CADM2: variants seen among roughly 807,000 people sequenced by gnomAD.
The protein encoded by CADM2 is immunoglobulin superfamily member 4D.
In CADM2, 12 loss-of-function variants were observed where a neutral mutation model predicts 49.8. That is an observed-to-expected ratio of 0.24 (90% CI 0.15 to 0.39). CADM2 has a LOEUF of 0.39. Ranked by LOEUF, CADM2 falls within the 10% of genes least tolerant of loss-of-function variation. The pLI is 1.00. For missense variants in CADM2, 378 were observed against 492.3 expected, an observed-to-expected ratio of 0.77 and a Z score of 2.20; for synonymous variants, 214 against 175.4, an observed-to-expected ratio of 1.22 and a Z score of -1.74.
At chr3:85,907,709 G>A (rs751395652) in intron 5 of CADM2, among the ~76,000 whole-genome samples, 15 of 152,010 alleles carry the variant, frequency 9.9e-5, no homozygotes, top group African/African-American at 1.7e-4. Flanking sequence ...TCAGGAGTTC[G>A]AGACCAGCCT....
intron 7 of CADM2, among the ~76,000 whole-genome samples, chr3:85,949,148 A>C (rs1723090665): frequency 1.3e-5 from 2 of 151,500 alleles, no homozygotes; most frequent in Non-Finnish European, 3.0e-5. Flanking sequence ...AGTGTTTTTC[A>C]AATTGCAAAT....
At chr3:85,709,976 A>G (rs1208163430) in intron 1 of CADM2, among the ~76,000 whole-genome samples, 1 of 152,146 alleles carries the variant, frequency 6.6e-6, no homozygotes, top group Non-Finnish European at 1.5e-5. Flanking sequence ...ACTATTCTAT[A>G]GCCTGGAAAG....
intron 1 of CADM2, among the ~76,000 whole-genome samples, chr3:85,493,126 A>G (rs998575238): frequency 3.3e-5 from 5 of 152,248 alleles, no homozygotes; most frequent in African/African-American, 9.6e-5. Flanking sequence ...GTATTCCAAT[A>G]TTAGTAACAT....
intron 8 of CADM2, among the ~76,000 whole-genome samples, chr3:85,998,060 G>C (rs1205572783): frequency 2.6e-5 from 4 of 152,206 alleles, no homozygotes; most frequent in Non-Finnish European, 4.4e-5. Context: ...AGAAGGAGAG[G>C]TGAGGGAAGA....
chr3:85,669,126 A>G (rs979467125), intron 1 of CADM2, among the ~76,000 whole-genome samples: 6 of 152,022 alleles, frequency 3.9e-5, no homozygotes, highest in East Asian at 1.9e-4. Context: ...TTCATTTCCC[A>G]TCATTTTATC....
intron 1 of CADM2, among the ~76,000 whole-genome samples, chr3:85,626,829 T>A (rs1296942164): frequency 6.6e-6 from 1 of 152,046 alleles, no homozygotes; most frequent in Non-Finnish European, 1.5e-5. Flanking sequence ...AGTCGAAATG[T>A]CCTGCTGGCA....
chr3:85,171,508 C>T (rs2040625980), intron 1 of CADM2, among the ~76,000 whole-genome samples: 1 of 152,098 alleles, frequency 6.6e-6, no homozygotes, highest in South Asian at 2.1e-4. Flanking sequence ...ACACTAATTA[C>T]TCCTTATAAT....
chr3:85,667,568 C>G (rs2065606452), intron 1 of CADM2, among the ~76,000 whole-genome samples: 1 of 151,930 alleles, frequency 6.6e-6, no homozygotes, highest in African/African-American at 2.4e-5. Flanking sequence ...AATTTGCATT[C>G]CTAAAGACCT....
intron 1 of CADM2, among the ~76,000 whole-genome samples, chr3:85,386,622 C>A (rs574088394): frequency 6.6e-6 from 1 of 152,134 alleles, no homozygotes; most frequent in Admixed American, 6.5e-5. Flanking sequence ...AGTACTTAAA[C>A]CTTGTTGTGG....
intron 1 of CADM2, among the ~76,000 whole-genome samples, chr3:85,146,073 T>C (rs1163274133): frequency 6.6e-6 from 1 of 152,168 alleles, no homozygotes; most frequent in African/African-American, 2.4e-5. Context: ...TGCCTTGGTT[T>C]TCTGTCTGAC....
intron 6 of CADM2, among the ~76,000 whole-genome samples, chr3:85,928,819 T>G (rs1720237010): frequency 6.6e-6 from 1 of 152,140 alleles, no homozygotes; most frequent in African/African-American, 2.4e-5. Flanking sequence ...TAAAGAGCTC[T>G]TACAATTTAC....
At chr3:86,038,261 T>A (rs1281395264) in intron 8 of CADM2, among the ~76,000 whole-genome samples, 1 of 152,204 alleles carries the variant, frequency 6.6e-6, no homozygotes, top group Non-Finnish European at 1.5e-5. Flanking sequence ...TATCAGAAAT[T>A]TTTAGAGAAT....
chr3:85,013,848 A>G (rs1259559675), intron 1 of CADM2, among the ~76,000 whole-genome samples: 1 of 147,552 alleles, frequency 6.8e-6, no homozygotes, highest in East Asian at 1.9e-4. Context: ...ATAATATTGT[A>G]CTGAGGACAA....
At chr3:85,155,987 A>C in intron 1 of CADM2, among the ~76,000 whole-genome samples, 1 of 152,216 alleles carries the variant, frequency 6.6e-6, no homozygotes, top group Non-Finnish European at 1.5e-5. Context: ...AAGAGAAAGC[A>C]GGAAAGATCC....
At chr3:85,463,299 A>G (rs1278053217) in intron 1 of CADM2, among the ~76,000 whole-genome samples, 1 of 152,128 alleles carries the variant, frequency 6.6e-6, no homozygotes, top group African/African-American at 2.4e-5. Flanking sequence ...ACTGATTTTG[A>G]ATGACATATT....
intron 3 of CADM2, among the ~76,000 whole-genome samples, chr3:85,852,212 C>T (rs558737545): frequency 3.3e-5 from 5 of 152,210 alleles, no homozygotes; most frequent in African/African-American, 1.2e-4. Context: ...GGCCCCTCTA[C>T]ACTGCTTTCT....
intron 1 of CADM2, among the ~76,000 whole-genome samples, chr3:85,020,169 C>A (rs1425992086): frequency 2.0e-5 from 3 of 151,904 alleles, no homozygotes; most frequent in Non-Finnish European, 4.4e-5. Context: ...TGAAATGGGA[C>A]TAAATTGAAC....
At chr3:85,120,167 A>C (rs1291887804) in intron 1 of CADM2, among the ~76,000 whole-genome samples, 1 of 152,220 alleles carries the variant, frequency 6.6e-6, no homozygotes. Flanking sequence ...AATGGCAATC[A>C]TTAAAAGTCA....
intron 1 of CADM2, among the ~76,000 whole-genome samples, chr3:85,103,501 G>C (rs918363724): frequency 2.0e-5 from 3 of 152,060 alleles, no homozygotes; most frequent in African/African-American, 7.2e-5. Flanking sequence ...ACAATACTAT[G>C]TATAAGAAAA....
Sources: allele counts gnomAD v4.1 joint callset (sites outside exome capture counted in the v4.1 genomes callset), GRCh38; gene constraint gnomAD v4.1.1; transcripts MANE v1.5; gene names NCBI Gene and HGNC (gene_info 2026-07-23, HGNC 2026-07-21).